Variants in RAB8B observed in about 807,000 individuals in gnomAD.
RAB8B encodes ras-related protein Rab-8B.
RAB8B carries 11 observed loss-of-function variants against 32.0 expected under a neutral mutation model. That is an observed-to-expected ratio of 0.34 (90% CI 0.22 to 0.57). The LOEUF (loss-of-function observed/expected upper bound fraction) is 0.57, where lower values mean the gene tolerates loss of function less well. Ranked by LOEUF, RAB8B falls within the 20% of genes least tolerant of loss-of-function variation. The probability of loss-of-function intolerance (pLI) is 0.86; values close to 1 mark genes in which losing one functional copy is unlikely to be tolerated. For synonymous variants in RAB8B, 103 were observed against 89.6 expected (o/e 1.15, Z -0.85); for missense variants, 190 against 258.5 (o/e 0.73, Z 1.82).
At chr15:63,230,897 G>A (rs1039707698) in intron 1 of RAB8B, among the ~76,000 whole-genome samples, 2 of 151,950 alleles carry the variant, frequency 1.3e-5, no homozygotes, top group Non-Finnish European at 2.9e-5. Context: ...TGTAGAGATG[G>A]GCTCTCACTA....
intron 7 of RAB8B, 35 bp downstream of exon 7, chr15:63,262,777 C>G (rs1410691679): frequency 8.7e-7 from 1 of 1,153,240 alleles, no homozygotes; most frequent in Non-Finnish European, 1.2e-6. Context: ...TTCCATTATG[C>G]TGTCTGTTTG....
intron 1 of RAB8B, among the ~76,000 whole-genome samples, chr15:63,201,763 A>G (rs1045941576): frequency 3.9e-5 from 6 of 152,188 alleles, no homozygotes; most frequent in African/African-American, 1.4e-4. Flanking sequence ...TAGACAAGGA[A>G]TCTAAAGTTC....
chr15:63,210,952 T>C (rs990465239), intron 1 of RAB8B, among the ~76,000 whole-genome samples: 1 of 152,158 alleles, frequency 6.6e-6, no homozygotes, highest in Non-Finnish European at 1.5e-5. Flanking sequence ...TGTGGTGTGG[T>C]TCTAATTAAC....
chr15:63,239,678 G>T (rs1224451761), intron 1 of RAB8B, among the ~76,000 whole-genome samples: 2 of 152,042 alleles, frequency 1.3e-5, no homozygotes, highest in Non-Finnish European at 2.9e-5. Flanking sequence ...AAAGTGCTGG[G>T]ATTACAGGCG....
At chr15:63,198,486 G>A (rs1009458715) in intron 1 of RAB8B, among the ~76,000 whole-genome samples, 6 of 151,896 alleles carry the variant, frequency 4.0e-5, no homozygotes, top group African/African-American at 1.5e-4. Context: ...GTGGTCTCAT[G>A]ACAGCATTGC....
intron 1 of RAB8B, among the ~76,000 whole-genome samples, chr15:63,219,621 T>G (rs1199813962): frequency 1.3e-5 from 2 of 152,210 alleles, no homozygotes; most frequent in Non-Finnish European, 2.9e-5. Flanking sequence ...AATGTGTTGT[T>G]ATATAAAAAT....
chr15:63,214,855 A>G (rs1191061430), intron 1 of RAB8B, among the ~76,000 whole-genome samples: 2 of 152,166 alleles, frequency 1.3e-5, no homozygotes, highest in African/African-American at 4.8e-5. Flanking sequence ...AATAAAAATA[A>G]TTTCCCATGG....
In RAB8B at chr15:63,264,933, A is replaced by C. The variant is rs937832908; in HGVS notation, c.*1314A>C. On this transcript the variant is annotated 3_prime_UTR_variant, in exon 8 of 8. Coordinates refer to ENST00000321437, the MANE Select transcript of RAB8B (RefSeq NM_016530.3). ...TTGGGCTAAAGCCAACCAAAAGCTTAGTTGCCTTTCTCAACAAACACTGGT... is the reference window on the plus strand; with the variant it reads ...TTGGGCTAAAGCCAACCAAAAGCTTCGTTGCCTTTCTCAACAAACACTGGT... 6.5e-6 allele frequency: 1 copy of C among 152,676 alleles called. No individual in the cohort carries two copies. The highest frequency in any genetic ancestry group is 2.4e-5 in the African/African-American group (1 of 41,464). The allele number at this position is 152,676 out of a possible 1,614,324, so 9.5% of individuals were successfully genotyped here.
chr15:63,193,448 G>C (rs1026796460), intron 1 of RAB8B, among the ~76,000 whole-genome samples: 1 of 152,064 alleles, frequency 6.6e-6, no homozygotes, highest in African/African-American at 2.4e-5. Flanking sequence ...GGACCAACTC[G>C]CCTTTCACTC....
At chr15:63,242,982 A>G (rs1343624062) in intron 1 of RAB8B, among the ~76,000 whole-genome samples, 1 of 152,236 alleles carries the variant, frequency 6.6e-6, no homozygotes, top group East Asian at 1.9e-4. Context: ...CAACTCACCA[A>G]TGTAGAATCA....
chr15:63,223,076 A>G (rs923441700), intron 1 of RAB8B: 1 of 455,766 alleles, frequency 2.2e-6, no homozygotes, highest in African/African-American at 2.0e-5. Flanking sequence ...CTTTCATGGT[A>G]AGTACCCTAT....
Position 63,263,598 on chromosome 15 carries a change from C to T in RAB8B, c.603C>T (p.Phe201=). 1 of 1,610,386 alleles carries T rather than the reference C, an allele frequency of 6.2e-7. No homozygotes were observed. The highest frequency in any genetic ancestry group is 8.5e-7 in the Non-Finnish European group (1 of 1,176,600). Residue 201 remains phenylalanine (F), a synonymous_variant, in exon 8 of 8, where the codon TTC becomes TTT. Transcript: ENST00000321437. ...AAAACCGATCAAAGAAGACCAGTTT[C>T]TTTCGTTGCTCGCTACTTTGATGAA... is the stretch of plus-strand genomic sequence containing the variant. The part of the protein sequence containing the change: ...ITENRSKKTS[F]FRCSLL
intron 1 of RAB8B, among the ~76,000 whole-genome samples, chr15:63,238,741 G>A (rs1414947697): frequency 1.3e-5 from 2 of 152,040 alleles, no homozygotes; most frequent in African/African-American, 4.8e-5. Context: ...ATGGATTCTA[G>A]GAGTGACCCA....
At chr15:63,196,911 A>G (rs2037605271) in intron 1 of RAB8B, among the ~76,000 whole-genome samples, 1 of 152,220 alleles carries the variant, frequency 6.6e-6, no homozygotes, top group South Asian at 2.1e-4. Flanking sequence ...CCACTAACAT[A>G]AATACCAAAT....
Position 63,249,540 on chromosome 15 carries a change from C to T in RAB8B, c.186-105C>T, listed in dbSNP as rs2038097715. The T allele has an allele frequency of 9.7e-6, 10 of 1,033,420 alleles. No individual in the cohort carries two copies. In the South Asian group the frequency reaches 1.4e-4, roughly 15 times the overall value. The allele number at this position is 1,033,420 out of a possible 1,614,324, so 64.0% of individuals were successfully genotyped here. A position where few individuals can be genotyped will look rare whatever the true frequency, so the allele number is the denominator to read the frequency against. On this transcript the variant is annotated intron_variant, in intron 2 of 7. Coordinates refer to ENST00000321437, the MANE Select transcript of RAB8B (RefSeq NM_016530.3). Reference sequence around the variant, plus strand: ...GTCTCATTCTCCTTTCCTCTGTGACCACTGCACCCTGAGCAGACTAGAATT... The same window carrying T: ...GTCTCATTCTCCTTTCCTCTGTGACTACTGCACCCTGAGCAGACTAGAATT...
intron 1 of RAB8B, among the ~76,000 whole-genome samples, chr15:63,204,229 C>T (rs980444806): frequency 1.3e-5 from 2 of 152,098 alleles, no homozygotes; most frequent in Admixed American, 6.5e-5. Context: ...TTTAGGACTA[C>T]GTGCATTTTA....
intron 1 of RAB8B, among the ~76,000 whole-genome samples, chr15:63,225,617 T>C (rs781066058): frequency 6.6e-6 from 1 of 151,140 alleles, no homozygotes; most frequent in Non-Finnish European, 1.5e-5. Context: ...GAGCAAACCT[T>C]AGAATATTGT....
chr15:63,191,450 T>C (rs2037555376), intron 1 of RAB8B, among the ~76,000 whole-genome samples: 1 of 152,212 alleles, frequency 6.6e-6, no homozygotes, highest in Non-Finnish European at 1.5e-5. Context: ...GAATTGCAAG[T>C]TCTTGGCAGT....
intron 1 of RAB8B, among the ~76,000 whole-genome samples, chr15:63,198,968 A>C (rs1162651657): frequency 6.6e-6 from 1 of 152,212 alleles, no homozygotes; most frequent in Non-Finnish European, 1.5e-5. Flanking sequence ...TTGCTTATGA[A>C]TTTGGATGTG....
Sources: allele counts gnomAD v4.1 joint callset (sites outside exome capture counted in the v4.1 genomes callset), GRCh38; gene constraint gnomAD v4.1.1; transcripts MANE v1.5; gene names NCBI Gene and HGNC (gene_info 2026-07-23, HGNC 2026-07-21).